Variants in MORC4 observed in about 807,000 individuals in gnomAD.
MORC4 encodes MORC family CW-type zinc finger protein 4.
MORC4 carries 22 observed loss-of-function variants against 65.5 expected under a neutral mutation model. That is an observed-to-expected ratio of 0.34 (90% CI 0.24 to 0.48). The LOEUF is 0.48. Among genes scored for constraint, MORC4 ranks in the 20% least tolerant of loss-of-function variants. The pLI, the probability that MORC4 is intolerant of heterozygous loss-of-function variation, is 0.99. For missense variants in MORC4, 624 were observed against 703.0 expected (o/e 0.89, Z 1.27); for synonymous variants, 267 against 255.8 (o/e 1.04, Z -0.42).
intron 10 of MORC4, among the ~76,000 whole-genome samples, chrX:106,960,704 G>A (rs1934217803): frequency 8.9e-6 from 1 of 111,920 alleles, no homozygotes; most frequent in Non-Finnish European, 1.9e-5. Context: ...CTAGCAGTAT[G>A]TGAACATCTG....
Position 106,941,968 on chromosome X carries a change from T to A in MORC4, c.2630A>T (p.Tyr877Phe). The change falls in exon 16 of 17, where the codon TAC (tyrosine) becomes TTC (phenylalanine). Residue 877 changes from tyrosine to phenylalanine, a missense_variant. Tyr to Phe is a conservative substitution (Grantham distance 22). Transcript: ENST00000355610. ...TAGGTCATCTCCCTCTGGGGTCCGG[T>A]AGGAGACCTGAGCCTTCTGCAGCAT... ...LEMLQKAQVS[Y>F]RTPEGDDLER... The A allele has an allele frequency of 1.7e-6, 2 of 1,210,988 alleles. No homozygotes were observed.
chrX:106,980,743 T>C (rs1323707559), intron 7 of MORC4, 148 bp downstream of exon 7: 4 of 401,728 alleles, frequency 1.0e-5, no homozygotes, highest in Non-Finnish European at 1.6e-5. Context: ...TAAGAAAGAC[T>C]TCCTCAGAGT....
chrX:106,997,971 T>C (rs191737002), intron 2 of MORC4, among the ~76,000 whole-genome samples: 1 of 112,390 alleles, frequency 8.9e-6, no homozygotes, highest in East Asian at 2.8e-4. Flanking sequence ...CATTTTGTTG[T>C]TAGACAAAGC....
chrX:106,966,477 G>A (rs188627345), intron 9 of MORC4, among the ~76,000 whole-genome samples: 21 of 112,760 alleles, frequency 1.9e-4, no homozygotes, highest in Non-Finnish European at 3.4e-4. Flanking sequence ...AAAGCAGGGC[G>A]GGGCATCACC....
intron 2 of MORC4, among the ~76,000 whole-genome samples, chrX:106,994,773 C>CT (rs200956837): frequency 0.064 from 6,874 of 107,004 alleles, 620 homozygotes; most frequent in African/African-American, 0.22. Flanking sequence ...TATAGTCAAT[C>CT]TTTTTTTTTT....
At chrX:106,965,404 G>A (rs1162183967) in intron 9 of MORC4, among the ~76,000 whole-genome samples, 3 of 111,797 alleles carry the variant, frequency 2.7e-5, no homozygotes, top group Admixed American at 9.5e-5. Context: ...CACAAAAGAC[G>A]GCAATGTAGG....
At chrX:106,964,212 G>C (rs973109296) in intron 9 of MORC4, among the ~76,000 whole-genome samples, 5 of 111,972 alleles carry the variant, frequency 4.5e-5, no homozygotes, top group African/African-American at 1.6e-4. Context: ...CCAAAACAAA[G>C]TCTGGAGCTG....
At chrX:106,995,479 G>A (rs927615118) in intron 2 of MORC4, among the ~76,000 whole-genome samples, 1 of 112,046 alleles carries the variant, frequency 8.9e-6, no homozygotes, top group Non-Finnish European at 1.9e-5. Flanking sequence ...CCACATAGAA[G>A]TTAGAACATT....
intron 12 of MORC4, among the ~76,000 whole-genome samples, chrX:106,956,735 A>T (rs1417688070): frequency 1.8e-5 from 2 of 111,432 alleles, no homozygotes. Context: ...GAGAGAGAGG[A>T]GAGAGAAAGA....
At chrX:106,970,069 A>C (rs991515663) in intron 9 of MORC4, among the ~76,000 whole-genome samples, 2 of 111,974 alleles carry the variant, frequency 1.8e-5, no homozygotes, top group African/African-American at 6.5e-5. Flanking sequence ...ATCGATGTGA[A>C]AATCCTCAAT....
intron 10 of MORC4, among the ~76,000 whole-genome samples, chrX:106,960,884 T>C (rs1397867512): frequency 8.9e-6 from 1 of 112,180 alleles, no homozygotes; most frequent in Non-Finnish European, 1.9e-5. Flanking sequence ...TTTTATATCA[T>C]ACATTTGCCT....
At chrX:106,994,724 G>A (rs377205169) in intron 2 of MORC4, among the ~76,000 whole-genome samples, 18 of 111,648 alleles carry the variant, frequency 1.6e-4, no homozygotes, top group African/African-American at 4.2e-4. Flanking sequence ...CAGTAGTACA[G>A]CATCACCAAT....
intron 9 of MORC4, among the ~76,000 whole-genome samples, chrX:106,973,286 T>TA (rs1250181989): frequency 8.9e-6 from 1 of 112,058 alleles, no homozygotes; most frequent in Non-Finnish European, 1.9e-5. Context: ...CACTGTACTT[T>TA]AACAGCAAAA....
At chrX:106,984,249 G>A (rs181886073) in intron 5 of MORC4, among the ~76,000 whole-genome samples, 41 of 107,921 alleles carry the variant, frequency 3.8e-4, no homozygotes, top group African/African-American at 1.4e-3. Context: ...TTGCACCACT[G>A]CACTCCAGCC....
chrX:106,944,253 A>G (rs1006841328), intron 14 of MORC4, among the ~76,000 whole-genome samples: 14 of 111,778 alleles, frequency 1.3e-4, no homozygotes, highest in African/African-American at 4.6e-4. Flanking sequence ...CTGATCTGCC[A>G]TCTTAATAGA....
At chrX:106,961,156 A>T (rs1321259729) in intron 10 of MORC4, among the ~76,000 whole-genome samples, 5 of 112,241 alleles carry the variant, frequency 4.5e-5, no homozygotes, top group Non-Finnish European at 9.4e-5. Flanking sequence ...GGGGAAGTTT[A>T]CTAACATGTC....
chrX:106,968,784 A>G (rs145235537), intron 9 of MORC4, among the ~76,000 whole-genome samples: 4,314 of 111,086 alleles, frequency 0.039, 89 homozygotes, highest in Non-Finnish European at 0.059. Flanking sequence ...AGAGCTAACT[A>G]CCCTAAATAT....
At chrX:106,956,890 G>C in intron 12 of MORC4, 46 bp downstream of exon 12, 1 of 998,280 alleles carries the variant, frequency 1.0e-6, no homozygotes, top group Non-Finnish European at 1.4e-6. Flanking sequence ...GAAGTGTCAG[G>C]CTACTCTACC....
At chrX:106,980,287 T>C (rs1934713763) in intron 7 of MORC4, among the ~76,000 whole-genome samples, 1 of 111,061 alleles carries the variant, frequency 9.0e-6, no homozygotes, top group African/African-American at 3.3e-5. Context: ...TAAAAACAAG[T>C]AATGGCTCCT....
Sources: gnomAD v4.1 joint callset for allele counts (sites outside exome capture counted in the v4.1 genomes callset) on GRCh38, gnomAD v4.1.1 for gene constraint, MANE v1.5 for transcripts, NCBI Gene and HGNC (gene_info 2026-07-23, HGNC 2026-07-21) for gene names.